Variants in DRC11 observed in about 807,000 individuals in gnomAD.
DRC11 encodes dynein regulatory complex subunit 11, also known as IQ and AAA domain-containing protein 1.
the DRC11 span, among the ~76,000 whole-genome samples, chr2:236,417,048 T>G: frequency 2.0e-5 from 3 of 150,342 alleles, no homozygotes; most frequent in African/African-American, 7.4e-5. Context: ...GTATGTATTT[T>G]TAGTAGAGAT....
At chr2:236,428,097 T>C in the DRC11 span, among the ~76,000 whole-genome samples, 12 of 152,192 alleles carry the variant, frequency 7.9e-5, no homozygotes, top group Non-Finnish European at 1.5e-4. Context: ...TGAAAAGATA[T>C]ACTTCATATG....
chr2:236,443,335 C>T, the DRC11 span, among the ~76,000 whole-genome samples: 1 of 152,078 alleles, frequency 6.6e-6, no homozygotes, highest in Admixed American at 6.6e-5. This position sits in a 1 kb window ranked among gnomAD's most constrained non-coding sequence, Gnocchi z 4.4. Context: ...CTCTCCCTCC[C>T]CGCAACACCC....
the DRC11 span, among the ~76,000 whole-genome samples, chr2:236,491,240 T>TATATATATATATACAC: frequency 1.9e-5 from 1 of 52,530 alleles, no homozygotes; most frequent in South Asian, 4.2e-4. Flanking sequence ...TATATATATA[T>TATATATATATATACAC]ACACAGTATA....
the DRC11 span, among the ~76,000 whole-genome samples, chr2:236,435,403 T>A: frequency 3.3e-5 from 5 of 152,350 alleles, no homozygotes; most frequent in South Asian, 1.0e-3. Flanking sequence ...GCCATGCCCA[T>A]CATTTACATG....
the DRC11 span, among the ~76,000 whole-genome samples, chr2:236,307,570 G>A: frequency 6.6e-6 from 1 of 152,138 alleles, no homozygotes; most frequent in East Asian, 1.9e-4. The surrounding 1 kb of genome is among the most constrained non-coding windows in gnomAD (Gnocchi z 7.0). Flanking sequence ...TTTAATTCTG[G>A]TGTTTTCCTG....
the DRC11 span, among the ~76,000 whole-genome samples, chr2:236,358,467 T>C: frequency 0.049 from 6,944 of 141,920 alleles, 251 homozygotes; most frequent in Middle Eastern, 0.15. Flanking sequence ...TATAAATATT[T>C]GATAAATATT....
the DRC11 span, among the ~76,000 whole-genome samples, chr2:236,340,274 A>G: frequency 2.0e-5 from 3 of 152,148 alleles, no homozygotes; most frequent in East Asian, 3.9e-4. Context: ...ACAGGTGTGC[A>G]CCACCATGCC....
chr2:236,495,556 T>A, the DRC11 span, among the ~76,000 whole-genome samples: 32 of 152,224 alleles, frequency 2.1e-4, no homozygotes, highest in Admixed American at 1.9e-3. This position sits in a 1 kb window ranked among gnomAD's most constrained non-coding sequence, Gnocchi z 5.6. Flanking sequence ...TGTCTCTCTA[T>A]GAGGTGGGCC....
chr2:236,502,827 C>T, the DRC11 span, among the ~76,000 whole-genome samples: 8 of 151,876 alleles, frequency 5.3e-5, no homozygotes, highest in East Asian at 7.8e-4. Context: ...TGGTGGCATG[C>T]GCCTGTAATC....
At chr2:236,366,417 T>C in the DRC11 span, among the ~76,000 whole-genome samples, 2 of 152,318 alleles carry the variant, frequency 1.3e-5, no homozygotes, top group African/African-American at 2.4e-5. Flanking sequence ...TATTTTAATG[T>C]ATGAAATGTA....
chr2:236,370,123 AG>A, the DRC11 span, among the ~76,000 whole-genome samples: 1 of 152,204 alleles, frequency 6.6e-6, no homozygotes, highest in Admixed American at 6.5e-5. This position sits in a 1 kb window ranked among gnomAD's most constrained non-coding sequence, Gnocchi z 5.5. Flanking sequence ...CTTATAAAAA[AG>A]GAGAAATTTG....
At chr2:236,357,351 ATG>A in the DRC11 span, among the ~76,000 whole-genome samples, 9 of 120,352 alleles carry the variant, frequency 7.5e-5, no homozygotes, top group African/African-American at 1.4e-4. Context: ...TATATATTAT[ATG>A]TATATATATT....
At chr2:236,357,220 ATC>A in the DRC11 span, among the ~76,000 whole-genome samples, 176 of 119,788 alleles carry the variant, frequency 1.5e-3, 2 homozygotes, top group African/African-American at 5.4e-3. Flanking sequence ...TATAGTATAT[ATC>A]TATTATAAAT....
At chr2:236,459,536 T>TATATATGTGTATAC in the DRC11 span, among the ~76,000 whole-genome samples, 1 of 121,886 alleles carries the variant, frequency 8.2e-6, no homozygotes, top group African/African-American at 3.3e-5. Flanking sequence ...CATGTATACG[T>TATATATGTGTATAC]ATACGTATAC....
chr2:236,490,782 A>G, the DRC11 span, among the ~76,000 whole-genome samples: 27 of 151,782 alleles, frequency 1.8e-4, no homozygotes, highest in Middle Eastern at 6.8e-3. This position sits in a 1 kb window ranked among gnomAD's most constrained non-coding sequence, Gnocchi z 5.5. Context: ...CTTGGGTTAT[A>G]TATATTGTGT....
the DRC11 span, among the ~76,000 whole-genome samples, chr2:236,461,271 G>C: frequency 6.6e-6 from 1 of 152,060 alleles, no homozygotes; most frequent in African/African-American, 2.4e-5. This position sits in a 1 kb window ranked among gnomAD's most constrained non-coding sequence, Gnocchi z 4.0. Flanking sequence ...CGAGAAAATG[G>C]GGAAAGTTTC....
the DRC11 span, among the ~76,000 whole-genome samples, chr2:236,353,350 C>G: frequency 1.9e-3 from 288 of 152,280 alleles, no homozygotes; most frequent in African/African-American, 6.7e-3. This position sits in a 1 kb window ranked among gnomAD's most constrained non-coding sequence, Gnocchi z 5.0. Flanking sequence ...GAAGTTCTAG[C>G]AAACAACTAA....
chr2:236,422,390 A>G, the DRC11 span, among the ~76,000 whole-genome samples: 6 of 152,354 alleles, frequency 3.9e-5, no homozygotes, highest in East Asian at 1.2e-3. Context: ...CAAAAATCAC[A>G]AGCATTCTTA....
chr2:236,478,847 T>TG, the DRC11 span, among the ~76,000 whole-genome samples: 1 of 150,980 alleles, frequency 6.6e-6, no homozygotes, highest in African/African-American at 2.4e-5. This position sits in a 1 kb window ranked among gnomAD's most constrained non-coding sequence, Gnocchi z 5.9. Context: ...TTTTTTGAGA[T>TG]GGAGTCTTGC....
Sources: allele counts gnomAD v4.1 joint callset (sites outside exome capture counted in the v4.1 genomes callset), GRCh38; gene constraint gnomAD v4.1.1; non-coding constraint Gnocchi (gnomAD v3.1); transcripts MANE v1.5; gene names NCBI Gene and HGNC (gene_info 2026-07-23, HGNC 2026-07-21).